Variants in ERC1 observed in about 807,000 individuals in gnomAD.
ERC1 encodes the protein ELKS/RAB6-interacting/CAST family member 1.
Under a neutral mutation model 132.0 loss-of-function variants are expected in ERC1, and 56 were observed. The ratio of observed to expected loss-of-function variants is 0.42; its 90% CI spans 0.34 to 0.53. The LOEUF (loss-of-function observed/expected upper bound fraction) is 0.53. Ranked by LOEUF, ERC1 falls within the 20% of genes least tolerant of loss-of-function variation. The probability of loss-of-function intolerance (pLI) is 0.03; values close to 1 mark genes in which losing one functional copy is unlikely to be tolerated. For missense variants in ERC1, 1,202 were observed against 1,349.9 expected, an observed-to-expected ratio of 0.89 and a Z score of 1.72; for synonymous variants, 478 against 476.1, an observed-to-expected ratio of 1.00 and a Z score of -0.05.
At chr12:1,231,522 T>C (rs961164489) in intron 12 of ERC1, among the ~76,000 whole-genome samples, 6 of 152,224 alleles carry the variant, frequency 3.9e-5, no homozygotes, top group African/African-American at 1.4e-4. Context: ...TTTTATACTT[T>C]AATGTGTTTT....
chr12:1,430,325 G>C (rs1424048065), intron 17 of ERC1: 1 of 152,018 alleles, frequency 6.6e-6, no homozygotes, highest in Admixed American at 6.6e-5. Context: ...CACTGAGTGG[G>C]GTATTAGGGC....
chr12:1,275,212 G>A (rs1452184357), intron 14 of ERC1, among the ~76,000 whole-genome samples: 1 of 152,166 alleles, frequency 6.6e-6, no homozygotes, highest in African/African-American at 2.4e-5. Flanking sequence ...TCCAGGCTGG[G>A]CACAGTGGCT....
intron 1 of ERC1, among the ~76,000 whole-genome samples, chr12:1,023,640 A>G (rs921671937): frequency 1.3e-5 from 2 of 152,210 alleles, no homozygotes; most frequent in African/African-American, 4.8e-5. Flanking sequence ...TGGTGGAGGC[A>G]GGGAGAAAGG....
intron 18 of ERC1, among the ~76,000 whole-genome samples, chr12:1,475,103 G>A (rs755126968): frequency 5.3e-5 from 8 of 152,150 alleles, no homozygotes; most frequent in Non-Finnish European, 7.3e-5. Context: ...GGCCACCTTC[G>A]TATCCTATAC....
intron 14 of ERC1, among the ~76,000 whole-genome samples, chr12:1,284,813 G>A (rs1479502404): frequency 6.6e-5 from 10 of 152,086 alleles, no homozygotes; most frequent in Admixed American, 1.3e-4. Flanking sequence ...GTGCACTATC[G>A]TGCCTGGCTA....
chr12:1,404,011 T>A (rs1471450943), intron 16 of ERC1, among the ~76,000 whole-genome samples: 1 of 152,238 alleles, frequency 6.6e-6, no homozygotes. Context: ...AAATACCACA[T>A]GCCATAAGAA....
At chr12:1,406,425 G>A (rs1331858884) in intron 16 of ERC1, among the ~76,000 whole-genome samples, 1 of 152,052 alleles carries the variant, frequency 6.6e-6, no homozygotes, top group Admixed American at 6.5e-5. Context: ...TATTCTACCA[G>A]GTATGAAAAT....
At chr12:1,035,672 C>T (rs1968913533) in intron 2 of ERC1, among the ~76,000 whole-genome samples, 2 of 152,130 alleles carry the variant, frequency 1.3e-5, no homozygotes, top group African/African-American at 4.8e-5. Context: ...CCTATAATCC[C>T]AGCACTTTGG....
chr12:1,135,627 T>C (rs1314751980), intron 7 of ERC1, among the ~76,000 whole-genome samples: 1 of 152,138 alleles, frequency 6.6e-6, no homozygotes, highest in South Asian at 2.1e-4. Flanking sequence ...GGAGTCCTTA[T>C]AGAAGAGAGA....
intron 1 of ERC1, among the ~76,000 whole-genome samples, chr12:1,001,305 G>A (rs1962220681): frequency 6.6e-6 from 1 of 152,102 alleles, no homozygotes. Flanking sequence ...TGATCCTCCT[G>A]TCTTGGCCTC....
chr12:1,096,010 C>T, intron 3 of ERC1, among the ~76,000 whole-genome samples: 1 of 151,338 alleles, frequency 6.6e-6, no homozygotes, highest in Non-Finnish European at 1.5e-5. Flanking sequence ...ATTGCGGCCT[C>T]CACCTCCCAG....
intron 17 of ERC1, among the ~76,000 whole-genome samples, chr12:1,433,907 G>A (rs2092875306): frequency 6.6e-6 from 1 of 150,518 alleles, no homozygotes; most frequent in South Asian, 2.1e-4. Flanking sequence ...CCCTGAGGCT[G>A]AGGCTGCAAT....
chr12:1,199,271 C>G (rs573159402), intron 12 of ERC1, among the ~76,000 whole-genome samples: 2 of 152,168 alleles, frequency 1.3e-5, no homozygotes, highest in South Asian at 4.2e-4. Flanking sequence ...GGCCCCACCT[C>G]CAACACTGGG....
intron 3 of ERC1, among the ~76,000 whole-genome samples, chr12:1,099,792 A>C (rs1415801637): frequency 1.3e-5 from 2 of 151,478 alleles, no homozygotes; most frequent in Admixed American, 6.6e-5. Context: ...GTCAAATCAT[A>C]AGTGAAAATG....
chr12:1,106,963 G>C (rs1351197095), intron 4 of ERC1, among the ~76,000 whole-genome samples: 1 of 152,162 alleles, frequency 6.6e-6, no homozygotes, highest in Non-Finnish European at 1.5e-5. Context: ...TGAGAATGTG[G>C]AATGAGCTTC....
chr12:1,016,916 A>G (rs1965617169), intron 1 of ERC1, among the ~76,000 whole-genome samples: 1 of 151,286 alleles, frequency 6.6e-6, no homozygotes, highest in African/African-American at 2.4e-5. Flanking sequence ...CTCCCAAATT[A>G]TTGGGATTAT....
chr12:1,017,550 G>A (rs1231008404), intron 1 of ERC1, among the ~76,000 whole-genome samples: 1 of 144,992 alleles, frequency 6.9e-6, no homozygotes, highest in African/African-American at 2.6e-5. Context: ...TAGGCTTGGA[G>A]TACAGTGGCA....
intron 2 of ERC1, among the ~76,000 whole-genome samples, chr12:1,071,256 A>C (rs1303997669): frequency 1.3e-5 from 2 of 152,184 alleles, no homozygotes; most frequent in East Asian, 3.8e-4. Context: ...TGCATACTTC[A>C]CTTCGTGAGA....
Position 1,400,987 on chromosome 12 carries a change from G to A in ERC1, c.2926-7162G>A, listed in dbSNP as rs12318647. 2.4e-5 allele frequency among the ~76,000 whole-genome samples: 3 copies of A among 122,678 alleles called. No homozygotes were observed. In the Admixed American group the frequency reaches 3.2e-4, roughly 13 times the overall value. 80.5% of individuals were successfully genotyped at this position (122,678 alleles called of 152,430 possible). A position where few individuals can be genotyped will look rare whatever the true frequency, so the allele number is the denominator to read the frequency against. ...GTCTTGCTCTATCGCCCAGGCTGGA[G>A]TGCAGTGGCGTGATCTGGGCTCACT... On this transcript the variant is annotated intron_variant, in intron 16 of 18. Coordinates refer to ENST00000360905, the MANE Select transcript of ERC1 (RefSeq NM_178040.4).
Sources: allele counts gnomAD v4.1 joint callset (sites outside exome capture counted in the v4.1 genomes callset), GRCh38; gene constraint gnomAD v4.1.1; transcripts MANE v1.5; gene names NCBI Gene and HGNC (gene_info 2026-07-23, HGNC 2026-07-21).